VWA8: variants seen among roughly 807,000 people sequenced by gnomAD.
VWA8 encodes the protein von Willebrand factor A domain-containing protein 8.
VWA8 carries 221 observed loss-of-function variants against 241.5 expected under a neutral mutation model. The observed-to-expected ratio is 0.91, with a 90% CI of 0.82 to 1.02. VWA8 has a LOEUF of 1.02. Among genes scored for constraint, VWA8 ranks in the 50% least tolerant of loss-of-function variants. The pLI, the probability that VWA8 is intolerant of heterozygous loss-of-function variation, is 0.00. For missense variants in VWA8, 2,322 were observed against 2,328.7 expected, an observed-to-expected ratio of 1.00 and a Z score of 0.06; for synonymous variants, 852 against 827.1, an observed-to-expected ratio of 1.03 and a Z score of -0.52.
chr13:41,731,764 GT>G (rs2045485644), intron 22 of VWA8, among the ~76,000 whole-genome samples: 1 of 152,056 alleles, frequency 6.6e-6, no homozygotes, highest in Non-Finnish European at 1.5e-5. Context: ...TGTTCTTGTG[GT>G]AATGAATAAG....
At chr13:41,612,194 A>C (rs2044593481) in intron 38 of VWA8, among the ~76,000 whole-genome samples, 1 of 152,250 alleles carries the variant, frequency 6.6e-6, no homozygotes, top group Admixed American at 6.5e-5. Context: ...TTCCTTAAAA[A>C]ACCTAGACAG....
chr13:41,598,262 C>A (rs1392147041), intron 40 of VWA8, among the ~76,000 whole-genome samples: 1 of 151,980 alleles, frequency 6.6e-6, no homozygotes, highest in East Asian at 1.9e-4. Flanking sequence ...TTCTTCTATT[C>A]CTTCTCTATA....
At chr13:41,728,781 T>C (rs1026929189) in intron 23 of VWA8, among the ~76,000 whole-genome samples, 4 of 152,100 alleles carry the variant, frequency 2.6e-5, no homozygotes, top group Non-Finnish European at 5.9e-5. Flanking sequence ...TCTGTGGTGA[T>C]GCACTTGTAC....
intron 26 of VWA8, among the ~76,000 whole-genome samples, chr13:41,709,721 T>G (rs2045304159): frequency 6.6e-6 from 1 of 152,118 alleles, no homozygotes; most frequent in Non-Finnish European, 1.5e-5. Flanking sequence ...TGGTTCCCTC[T>G]TGTGTGGCTC....
intron 2 of VWA8, among the ~76,000 whole-genome samples, chr13:41,938,907 C>G (rs1877472557): frequency 6.6e-6 from 1 of 152,260 alleles, no homozygotes; most frequent in East Asian, 1.9e-4. Context: ...TCTATATTTA[C>G]ACAAAAATCA....
In VWA8 at chr13:41,761,126, A is replaced by G; in HGVS notation, c.2426+2T>C. 6.2e-7 allele frequency: 1 copy of G among 1,610,864 alleles called. No homozygotes were observed. The highest frequency in any genetic ancestry group is 8.5e-7 in the Non-Finnish European group (1 of 1,178,012). ...AAGAGGTTGTGGGTCTAATAGTCTT[A>G]CCTGTGTAGCTGAATATATTCTCGG... On this transcript the variant is annotated splice_donor_variant, in intron 21 of 44. Transcript: ENST00000379310. LOFTEE classifies it high-confidence loss of function.
At chr13:41,628,323 G>C (rs1001168009) in intron 37 of VWA8, among the ~76,000 whole-genome samples, 1 of 152,160 alleles carries the variant, frequency 6.6e-6, no homozygotes, top group Non-Finnish European at 1.5e-5. Context: ...AAGATCTTAA[G>C]ACAGAACTAC....
chr13:41,941,615 A>G (rs1331685179), intron 2 of VWA8, among the ~76,000 whole-genome samples: 3 of 152,250 alleles, frequency 2.0e-5, no homozygotes, highest in East Asian at 3.8e-4. Context: ...TATTTTTAGC[A>G]TATCTCTTCA....
At chr13:41,773,039 A>G (rs944765575) in intron 20 of VWA8, among the ~76,000 whole-genome samples, 1 of 152,214 alleles carries the variant, frequency 6.6e-6, no homozygotes, top group Non-Finnish European at 1.5e-5. Flanking sequence ...TGGTTTGCAA[A>G]CAGAAGGCTG....
At chr13:41,881,296 G>A (rs1311514097) in intron 9 of VWA8, among the ~76,000 whole-genome samples, 1 of 136,402 alleles carries the variant, frequency 7.3e-6, no homozygotes, top group African/African-American at 2.8e-5. Context: ...TCCTTTTAGA[G>A]AGCATGGTAT....
chr13:41,569,508 C>T (rs2044285604), intron 44 of VWA8, among the ~76,000 whole-genome samples: 1 of 152,146 alleles, frequency 6.6e-6, no homozygotes, highest in Non-Finnish European at 1.5e-5. Context: ...CGCTCTGCAA[C>T]CTTACAGCAA....
chr13:41,845,177 C>CA (rs1872232131), intron 12 of VWA8, among the ~76,000 whole-genome samples: 1 of 151,982 alleles, frequency 6.6e-6, no homozygotes, highest in East Asian at 1.9e-4. Context: ...TACAAGTGGC[C>CA]AAAAAACATA....
intron 20 of VWA8, among the ~76,000 whole-genome samples, chr13:41,774,595 T>A (rs1190436868): frequency 6.6e-6 from 1 of 152,168 alleles, no homozygotes; most frequent in Non-Finnish European, 1.5e-5. Flanking sequence ...TACATAAATC[T>A]AACTAAATCC....
chr13:41,690,243 T>G lies in VWA8; in HGVS notation c.3899A>C (p.Glu1300Ala). Residue 1300 changes from glutamate to alanine, a missense_variant, in exon 33 of 45, where the codon GAA becomes GCA. By Grantham distance (107) the Glu-to-Ala change is moderately radical. Coordinates refer to ENST00000379310, the MANE Select transcript of VWA8 (RefSeq NM_015058.2). ...CTGGCAAACCCCACTACCCTCAGATTCGATGTGTGCAGGCTTAGTTAAAAG... is the reference window on the plus strand; with the variant it reads ...CTGGCAAACCCCACTACCCTCAGATGCGATGTGTGCAGGCTTAGTTAAAAG... ...KYLLTKPAHI[E>A]SEGSGVCQLY... 1 of 1,612,688 alleles carries G rather than the reference T, an allele frequency of 6.2e-7. No individual in the cohort carries two copies. Among genetic ancestry groups the G allele is most frequent in the Non-Finnish European group, 8.5e-7 (1 of 1,179,018 alleles).
intron 23 of VWA8, 99 bp from the exon 24 acceptor site, chr13:41,727,412 A>C: frequency 1.0e-6 from 1 of 994,126 alleles, no homozygotes; most frequent in Non-Finnish European, 1.4e-6. Context: ...ATACTGTTCA[A>C]TTGTAAAAAG....
Position 41,741,624 on chromosome 13 carries a change from T to C in VWA8, c.2427-9469A>G, listed in dbSNP as rs368846538. On this transcript the variant is annotated intron_variant, in intron 21 of 44. Coordinates refer to ENST00000379310, the MANE Select transcript of VWA8 (RefSeq NM_015058.2). ...TTTATGTACACCTAGTGTCTATCAT[T>C]ATGCCTTCAACATTGTAGGCATGCA... Among the ~76,000 whole-genome samples, 10 of 152,360 alleles carry C rather than the reference T, an allele frequency of 6.6e-5. No homozygotes were observed. The East Asian group carries it at 1.2e-3, about 18-fold the overall frequency.
chr13:41,746,691 T>A (rs10507497), intron 21 of VWA8, among the ~76,000 whole-genome samples: 34,046 of 152,090 alleles, frequency 0.22, 3,802 homozygotes, highest in Middle Eastern at 0.26. Context: ...AAGTGTAATA[T>A]TCCAGCGAAG....
intron 39 of VWA8, among the ~76,000 whole-genome samples, chr13:41,608,181 T>A (rs1293355960): frequency 6.6e-6 from 1 of 152,146 alleles, no homozygotes; most frequent in Non-Finnish European, 1.5e-5. Flanking sequence ...GGTGCGATCA[T>A]GTTGCACCCA....
At chr13:41,867,232 A>G (rs1285598210) in intron 10 of VWA8, among the ~76,000 whole-genome samples, 1 of 152,118 alleles carries the variant, frequency 6.6e-6, no homozygotes, top group East Asian at 1.9e-4. Context: ...GAAAAATCCT[A>G]TATTATTCTT....
Sources: gnomAD v4.1 joint callset for allele counts (sites outside exome capture counted in the v4.1 genomes callset) on GRCh38, gnomAD v4.1.1 for gene constraint, MANE v1.5 for transcripts, NCBI Gene and HGNC (gene_info 2026-07-23, HGNC 2026-07-21) for gene names.